THSD7B: variants seen among roughly 807,000 people sequenced by gnomAD.
THSD7B encodes the protein thrombospondin type 1 domain containing 7B.
THSD7B carries 138 observed loss-of-function variants against 213.6 expected under a neutral mutation model. The ratio of observed to expected loss-of-function variants is 0.65; its 90% CI spans 0.56 to 0.74. The LOEUF is 0.74. THSD7B is among the 30% of genes least tolerant of loss of function. The pLI is 0.00. For synonymous variants in THSD7B, 742 were observed against 687.0 expected (o/e 1.08, Z -1.25); for missense variants, 1,931 against 1,991.5 (o/e 0.97, Z 0.58).
rs546014622 is a variant in THSD7B, at chr2:137,093,950, G to A, written c.951-923G>A. On this transcript the variant is annotated intron_variant, in intron 3 of 27. Coordinates refer to ENST00000409968, the MANE Select transcript of THSD7B (RefSeq NM_001316349.2). ...TACCTTTTTCCTAATTAGACTGTTG[G>A]TGCTTGATCACACACACATTTTGCC... Among the ~76,000 whole-genome samples the A allele has an allele frequency of 2.4e-4, 36 of 151,978 alleles. No individual in the cohort carries two copies. In the South Asian group the frequency reaches 6.5e-3, roughly 27 times the overall value.
In THSD7B at chr2:136,996,922, T is replaced by A. The variant is rs577515466; in HGVS notation, c.140-59498T>A. On this transcript the variant is annotated intron_variant, in intron 2 of 27. Coordinates refer to ENST00000409968, the MANE Select transcript of THSD7B (RefSeq NM_001316349.2). ...GCTGTGGACTACAGTGATTGGAGAG[T>A]GGGTTATCTTTATTGAATGCATTTT... Among the ~76,000 whole-genome samples the A allele has an allele frequency of 5.3e-5, 8 of 152,140 alleles. No homozygotes were observed. In the East Asian group the frequency reaches 1.4e-3, roughly 26 times the overall value.
At chr2:137,059,750 G>A (rs1687235808) in intron 3 of THSD7B, among the ~76,000 whole-genome samples, 1 of 152,006 alleles carries the variant, frequency 6.6e-6, no homozygotes, top group South Asian at 2.1e-4. Flanking sequence ...CCATTTTGTG[G>A]TACTATAGTT....
At chr2:137,659,462 CCT>C (rs1348351492) in intron 24 of THSD7B, among the ~76,000 whole-genome samples, 200 bp from the exon 25 acceptor site, 3 of 152,152 alleles carry the variant, frequency 2.0e-5, no homozygotes, top group South Asian at 4.1e-4. Context: ...CTGCAAATAG[CCT>C]CTGTTAGAAG....
intron 2 of THSD7B, among the ~76,000 whole-genome samples, chr2:136,931,913 C>T (rs2105047956): frequency 6.6e-6 from 1 of 152,220 alleles, no homozygotes; most frequent in East Asian, 1.9e-4. Context: ...AGGCATTTTG[C>T]AAATCATTTA....
chr2:137,601,203 A>G (rs1682070392), intron 17 of THSD7B, among the ~76,000 whole-genome samples: 1 of 152,166 alleles, frequency 6.6e-6, no homozygotes, highest in African/African-American at 2.4e-5. Flanking sequence ...AATGGAGTGT[A>G]ACCTAAGTGT....
intron 14 of THSD7B, among the ~76,000 whole-genome samples, chr2:137,445,791 C>T (rs1687524352): frequency 6.6e-6 from 1 of 151,828 alleles, no homozygotes; most frequent in South Asian, 2.1e-4. Context: ...AAGATACATG[C>T]TTGTGGTGAT....
chr2:136,839,324 G>A (rs1442801311), intron 1 of THSD7B, among the ~76,000 whole-genome samples: 2 of 152,142 alleles, frequency 1.3e-5, no homozygotes, highest in African/African-American at 4.8e-5. Context: ...CTGCTAATGA[G>A]AAATGGAAGA....
intron 22 of THSD7B, among the ~76,000 whole-genome samples, chr2:137,656,155 A>G (rs1045770133): frequency 3.3e-5 from 5 of 152,242 alleles, no homozygotes; most frequent in African/African-American, 1.2e-4. Context: ...CATAAAATGT[A>G]TCAGTTTATC....
chr2:137,670,644 A>C (rs779207513), intron 27 of THSD7B, among the ~76,000 whole-genome samples: 1 of 152,148 alleles, frequency 6.6e-6, no homozygotes, highest in Admixed American at 6.5e-5. Context: ...ATCTTCGGCC[A>C]GGTGCGGTGG....
intron 14 of THSD7B, among the ~76,000 whole-genome samples, chr2:137,447,992 C>T (rs566602185): frequency 2.6e-5 from 4 of 152,146 alleles, no homozygotes; most frequent in African/African-American, 9.6e-5. Context: ...CTGAAGGAGT[C>T]TCATCCATTT....
chr2:137,070,536 T>A (rs1459833509), intron 3 of THSD7B, among the ~76,000 whole-genome samples: 1 of 150,414 alleles, frequency 6.6e-6, no homozygotes, highest in Non-Finnish European at 1.5e-5. Context: ...CAAATTCTCT[T>A]TTTTAAAATT....
chr2:137,225,329 C>T (rs1013823655), intron 7 of THSD7B, among the ~76,000 whole-genome samples: 1 of 152,162 alleles, frequency 6.6e-6, no homozygotes, highest in Non-Finnish European at 1.5e-5. Flanking sequence ...ATCAAGGTGC[C>T]CACTCTTCTG....
intron 7 of THSD7B, among the ~76,000 whole-genome samples, chr2:137,188,343 T>C (rs1225522438): frequency 6.6e-6 from 1 of 152,164 alleles, no homozygotes; most frequent in Non-Finnish European, 1.5e-5. Context: ...TTCTTGTTCT[T>C]ATGAATTGGA....
At chr2:137,415,946 C>T (rs894055134) in intron 14 of THSD7B, among the ~76,000 whole-genome samples, 10 of 152,108 alleles carry the variant, frequency 6.6e-5, no homozygotes, top group Non-Finnish European at 1.5e-4. Context: ...TATTGTCTCT[C>T]CCTGCAGTCG....
At chr2:137,546,689 C>T (rs542064124) in intron 15 of THSD7B, among the ~76,000 whole-genome samples, 58 of 148,370 alleles carry the variant, frequency 3.9e-4, no homozygotes, top group African/African-American at 1.4e-3. Flanking sequence ...GTTGTTTGTA[C>T]ATACGCGTGT....
chr2:137,019,403 C>T (rs965207973), intron 2 of THSD7B, among the ~76,000 whole-genome samples: 1 of 152,206 alleles, frequency 6.6e-6, no homozygotes, highest in Non-Finnish European at 1.5e-5. Context: ...CCTTTTGTGG[C>T]TGTCAGTTAC....
intron 5 of THSD7B, 113 bp from the exon 6 acceptor site, chr2:137,160,100 G>A: frequency 8.2e-7 from 1 of 1,217,732 alleles, no homozygotes; most frequent in Non-Finnish European, 1.1e-6. Flanking sequence ...CTTTGCATAT[G>A]TTCTTTTTAA....
chr2:137,067,798 T>A (rs964954803), intron 3 of THSD7B, among the ~76,000 whole-genome samples: 1 of 152,048 alleles, frequency 6.6e-6, no homozygotes, highest in Admixed American at 6.6e-5. Context: ...AAAAACAGAA[T>A]TCTCTTGGTG....
chr2:137,400,099 G>T (rs947594491), intron 12 of THSD7B, among the ~76,000 whole-genome samples: 1 of 151,684 alleles, frequency 6.6e-6, no homozygotes, highest in Admixed American at 6.6e-5. Context: ...ATCCTAAATT[G>T]ATTTTCTAAT....
Sources: gnomAD v4.1 joint callset for allele counts (sites outside exome capture counted in the v4.1 genomes callset) on GRCh38, gnomAD v4.1.1 for gene constraint, MANE v1.5 for transcripts, NCBI Gene and HGNC (gene_info 2026-07-23, HGNC 2026-07-21) for gene names.